The following PTPRT variants were observed in gnomAD, a reference collection of about 807,000 sequenced individuals.
The protein encoded by PTPRT is protein tyrosine phosphatase receptor type T.
A neutral mutation model predicts 176.8 loss-of-function variants in PTPRT; 56 were observed. The ratio of observed to expected loss-of-function variants is 0.32; its 90% CI spans 0.26 to 0.40. The LOEUF (loss-of-function observed/expected upper bound fraction) is 0.40. Ranked by LOEUF, PTPRT falls within the 10% of genes least tolerant of loss-of-function variation. The pLI is 1.00. For missense variants in PTPRT, 1,540 were observed against 1,908.2 expected, an observed-to-expected ratio of 0.81 and a Z score of 3.60; for synonymous variants, 783 against 739.0, an observed-to-expected ratio of 1.06 and a Z score of -0.96.
chr20:42,107,212 CCTTCTTTTCT>C (rs1165608934), intron 23 of PTPRT, among the ~76,000 whole-genome samples: 5 of 145,788 alleles, frequency 3.4e-5, no homozygotes, highest in South Asian at 2.1e-4. Flanking sequence ...TATTTTCTAC[CCTTCTTTTCT>C]CTTCTTTTTT....
intron 18 of PTPRT, among the ~76,000 whole-genome samples, chr20:42,138,282 G>A (rs1988463623): frequency 6.6e-6 from 1 of 152,224 alleles, no homozygotes; most frequent in Admixed American, 6.5e-5. Flanking sequence ...CAGAAGATTG[G>A]GTGGAGGGAG....
At chr20:42,247,707 C>T (rs892429266) in intron 14 of PTPRT, among the ~76,000 whole-genome samples, 5 of 152,098 alleles carry the variant, frequency 3.3e-5, no homozygotes, top group Non-Finnish European at 5.9e-5. Flanking sequence ...GTTTTGTTTG[C>T]TATGATAGAC....
At chr20:42,997,876 G>T (rs1268582979) in intron 1 of PTPRT, among the ~76,000 whole-genome samples, 2 of 152,090 alleles carry the variant, frequency 1.3e-5, no homozygotes, top group African/African-American at 4.8e-5. Context: ...GATCAGGAAG[G>T]TAGGCAAATC....
chr20:42,339,740 A>G (rs1405372561), intron 11 of PTPRT, among the ~76,000 whole-genome samples: 1 of 152,212 alleles, frequency 6.6e-6, no homozygotes, highest in East Asian at 1.9e-4. Context: ...CCAGCTGATT[A>G]TGATGTTCAT....
chr20:42,523,416 A>C (rs2072212612), intron 7 of PTPRT, among the ~76,000 whole-genome samples: 1 of 152,206 alleles, frequency 6.6e-6, no homozygotes, highest in African/African-American at 2.4e-5. Flanking sequence ...TTGTTGGACA[A>C]CCTGATTGTC....
At chr20:42,808,964 T>A (rs565056314) in intron 2 of PTPRT, among the ~76,000 whole-genome samples, 1 of 152,272 alleles carries the variant, frequency 6.6e-6, no homozygotes, top group Admixed American at 6.5e-5. Context: ...CTTTCAGATC[T>A]CTCATCAGTG....
chr20:43,127,856 C>T (rs1042225963), intron 1 of PTPRT, among the ~76,000 whole-genome samples: 1 of 152,188 alleles, frequency 6.6e-6, no homozygotes. Context: ...CCCATTCCTT[C>T]CATGCTAGAC....
chr20:42,910,624 G>T (rs1204079732), intron 1 of PTPRT, among the ~76,000 whole-genome samples: 1 of 152,118 alleles, frequency 6.6e-6, no homozygotes, highest in African/African-American at 2.4e-5. Flanking sequence ...GCCATACATT[G>T]CTGTGAGCCT....
At chr20:43,139,451 C>A (rs1003649988) in intron 1 of PTPRT, among the ~76,000 whole-genome samples, 1 of 152,208 alleles carries the variant, frequency 6.6e-6, no homozygotes, top group Non-Finnish European at 1.5e-5. Context: ...TCCAGGACAC[C>A]AGACCTTGTT....
At chr20:42,859,310 C>T (rs2078618454) in intron 2 of PTPRT, among the ~76,000 whole-genome samples, 1 of 152,160 alleles carries the variant, frequency 6.6e-6, no homozygotes, top group Non-Finnish European at 1.5e-5. Flanking sequence ...ATAGGTCACA[C>T]ACCCAGAATT....
chr20:42,464,434 A>T (rs1350306391), intron 8 of PTPRT, among the ~76,000 whole-genome samples: 1 of 152,180 alleles, frequency 6.6e-6, no homozygotes, highest in Non-Finnish European at 1.5e-5. Flanking sequence ...AGAATTATAT[A>T]TTGGGTGGTC....
At chr20:43,170,165 GAT>G (rs913570697) in intron 1 of PTPRT, among the ~76,000 whole-genome samples, 3 of 148,768 alleles carry the variant, frequency 2.0e-5, no homozygotes, top group East Asian at 4.1e-4. Context: ...ATATATACTC[GAT>G]ATATATACGG....
intron 6 of PTPRT, among the ~76,000 whole-genome samples, chr20:42,698,882 C>T (rs879656149): frequency 3.5e-5 from 5 of 141,184 alleles, no homozygotes; most frequent in East Asian, 3.9e-4. Flanking sequence ...AATGAATGAA[C>T]GAACAAATAA....
rs573147235 is a variant in PTPRT at position 43,163,510 on chromosome 20, C to T, written c.88+26136G>A. ...AAAATTAGCCAGGCGTGGTGGTGGG[C>T]GCCTATAGTCCCAGCTACTCAGGAG... On this transcript the variant is annotated intron_variant, in intron 1 of 30. Coordinates refer to ENST00000373187, the MANE Select transcript of PTPRT (RefSeq NM_007050.6). 2.3e-4 allele frequency among the ~76,000 whole-genome samples: 35 copies of T among 152,136 alleles called. 1 individual carries two copies. The East Asian group carries it at 3.1e-3, about 13-fold the overall frequency.
intron 7 of PTPRT, among the ~76,000 whole-genome samples, chr20:42,637,397 G>A (rs557851178): frequency 6.6e-6 from 1 of 152,038 alleles, no homozygotes; most frequent in East Asian, 1.9e-4. Flanking sequence ...ACCACTCAAG[G>A]CTCATTGTCC....
intron 11 of PTPRT, among the ~76,000 whole-genome samples, chr20:42,337,399 T>A (rs945487000): frequency 6.6e-6 from 1 of 152,194 alleles, no homozygotes; most frequent in Non-Finnish European, 1.5e-5. Context: ...AGCCATCTTC[T>A]CAGGATCTCA....
At chr20:42,272,445 AAAGACTGTCGCC>A (rs1255682116) in intron 13 of PTPRT, among the ~76,000 whole-genome samples, 1 of 152,062 alleles carries the variant, frequency 6.6e-6, no homozygotes, top group Non-Finnish European at 1.5e-5. Flanking sequence ...TAGGCAAGAC[AAAGACTGTCGCC>A]CTCACATGTC....
intron 2 of PTPRT, among the ~76,000 whole-genome samples, chr20:42,878,638 T>C (rs1290297149): frequency 6.6e-6 from 1 of 152,194 alleles, no homozygotes; most frequent in Non-Finnish European, 1.5e-5. Context: ...CTCGAACTCA[T>C]GGGATGGTGG....
At chr20:42,868,591 G>A (rs943503930) in intron 2 of PTPRT, among the ~76,000 whole-genome samples, 3 of 152,178 alleles carry the variant, frequency 2.0e-5, no homozygotes, top group Non-Finnish European at 4.4e-5. Flanking sequence ...AAAATTCCCA[G>A]CCTGGCCAGG....
Sources: gnomAD v4.1 joint callset for allele counts (sites outside exome capture counted in the v4.1 genomes callset) on GRCh38, gnomAD v4.1.1 for gene constraint, MANE v1.5 for transcripts, NCBI Gene and HGNC (gene_info 2026-07-23, HGNC 2026-07-21) for gene names.